DPP6: variants seen among roughly 807,000 people sequenced by gnomAD.
The protein encoded by DPP6 is dipeptidyl peptidase like 6, also known as A-type potassium channel modulatory protein DPP6.
Under a neutral mutation model 122.6 loss-of-function variants are expected in DPP6, and 69 were observed. The ratio of observed to expected loss-of-function variants is 0.56; its 90% confidence interval spans 0.46 to 0.69. The LOEUF (loss-of-function observed/expected upper bound fraction) is 0.69. Ranked by LOEUF, DPP6 falls within the 30% of genes least tolerant of loss-of-function variation. The pLI, the probability that DPP6 is intolerant of heterozygous loss-of-function variation, is 0.00. For missense variants in DPP6, 928 were observed against 1,116.9 expected (o/e 0.83, Z 2.41); for synonymous variants, 418 against 433.1 (o/e 0.97, Z 0.43).
At chr7:154,107,550 G>A (rs79516213) in intron 1 of DPP6, among the ~76,000 whole-genome samples, 10,555 of 152,234 alleles carry the variant, frequency 0.069, 473 homozygotes, top group Middle Eastern at 0.16. Flanking sequence ...AGAAATTGCT[G>A]AGAGTAGATT....
chr7:154,442,587 G>A (rs1232271807), intron 1 of DPP6, among the ~76,000 whole-genome samples: 1 of 152,186 alleles, frequency 6.6e-6, no homozygotes, highest in Non-Finnish European at 1.5e-5. Flanking sequence ...AATAGGGTAT[G>A]AGCGGAGTAG....
chr7:154,257,678 C>T (rs942427238), intron 1 of DPP6, among the ~76,000 whole-genome samples: 1 of 152,012 alleles, frequency 6.6e-6, no homozygotes, highest in African/African-American at 2.4e-5. Context: ...GCCTGGGCAA[C>T]AAGAGTGAAA....
intron 1 of DPP6, among the ~76,000 whole-genome samples, chr7:154,021,445 T>G (rs1404157187): frequency 6.6e-6 from 1 of 152,172 alleles, no homozygotes; most frequent in Non-Finnish European, 1.5e-5. Context: ...GAGGCCTTTG[T>G]GCCATGCTTT....
At chr7:154,362,540 G>A (rs989793448) in intron 1 of DPP6, among the ~76,000 whole-genome samples, 2 of 151,616 alleles carry the variant, frequency 1.3e-5, no homozygotes, top group Admixed American at 6.6e-5. Context: ...TCAGCATCCT[G>A]AGTAGCTGGG....
intron 17 of DPP6, among the ~76,000 whole-genome samples, chr7:154,862,709 C>A (rs1287481091): frequency 1.3e-5 from 2 of 152,146 alleles, no homozygotes; most frequent in Non-Finnish European, 2.9e-5. Flanking sequence ...CACATGAGTC[C>A]CCTCAATGCA....
chr7:154,627,288 C>T (rs1194583385), intron 5 of DPP6, among the ~76,000 whole-genome samples: 14 of 150,398 alleles, frequency 9.3e-5, no homozygotes, highest in African/African-American at 2.9e-4. Flanking sequence ...CTCTGCCTCC[C>T]GGGTTTTCGC....
At chr7:154,592,903 G>GT (rs781020727) in intron 5 of DPP6, among the ~76,000 whole-genome samples, 27 of 152,326 alleles carry the variant, frequency 1.8e-4, no homozygotes, top group Admixed American at 3.3e-4. Flanking sequence ...AACAGAGGAG[G>GT]GGGAACACAA....
intron 2 of DPP6, 85 bp from the exon 3 acceptor site, chr7:154,474,854 A>G (rs1013532069): frequency 9.5e-7 from 1 of 1,050,278 alleles, no homozygotes; most frequent in African/African-American, 1.6e-5. Context: ...CATACTATTT[A>G]TAAATGACAA....
intron 1 of DPP6, among the ~76,000 whole-genome samples, chr7:154,103,624 C>T (rs143895170): frequency 1.3e-5 from 2 of 152,234 alleles, no homozygotes; most frequent in African/African-American, 2.4e-5. Context: ...AGGAGACTGA[C>T]GTTTGAGTCA....
At chr7:154,159,249 C>T (rs1796852530) in intron 1 of DPP6, among the ~76,000 whole-genome samples, 4 of 152,334 alleles carry the variant, frequency 2.6e-5, no homozygotes, top group Middle Eastern at 3.4e-3. Context: ...CGTTCATCCT[C>T]GCCAGGTACT....
intron 1 of DPP6, among the ~76,000 whole-genome samples, chr7:154,352,785 A>G (rs1490013036): frequency 1.3e-5 from 2 of 152,234 alleles, no homozygotes; most frequent in Non-Finnish European, 2.9e-5. Context: ...TGGCATGTGT[A>G]TACCTATGTA....
chr7:154,341,375 A>G (rs1242908108), intron 1 of DPP6, among the ~76,000 whole-genome samples: 3 of 152,088 alleles, frequency 2.0e-5, no homozygotes, highest in African/African-American at 7.2e-5. Context: ...AGGGAAATAC[A>G]TAATTGTGAG....
chr7:154,760,319 A>G lies in DPP6; in HGVS notation c.884-9098A>G, dbSNP rs1795453912. Among the ~76,000 whole-genome samples, 1 of 151,872 alleles carries G rather than the reference A, an allele frequency of 6.6e-6. No individual in the cohort carries two copies. Among genetic ancestry groups the G allele is most frequent in the Non-Finnish European group, 1.5e-5 (1 of 68,004 alleles). ...CACACACAATTATTTCTTCACGATTACTCATGGGCTGTGTGTGCAAATTCA... is the reference window on the plus strand; with the variant it reads ...CACACACAATTATTTCTTCACGATTGCTCATGGGCTGTGTGTGCAAATTCA... On this transcript the variant is annotated intron_variant, in intron 8 of 25. Coordinates refer to ENST00000377770, the MANE Select transcript of DPP6 (RefSeq NM_130797.4). The surrounding 1 kb of genome is among the most constrained non-coding windows in gnomAD (Gnocchi z 4.5).
intron 10 of DPP6, among the ~76,000 whole-genome samples, chr7:154,780,600 A>G (rs556527044): frequency 6.6e-6 from 1 of 152,268 alleles, no homozygotes; most frequent in Non-Finnish European, 1.5e-5. Context: ...AAGGTTTGCC[A>G]AGGCAGAGTC....
intron 4 of DPP6, among the ~76,000 whole-genome samples, chr7:154,545,774 G>T (rs1313071414): frequency 6.6e-6 from 1 of 152,150 alleles, no homozygotes; most frequent in African/African-American, 2.4e-5. Context: ...GAATTTCTAA[G>T]AACAGTTCTC....
chr7:154,120,616 G>A (rs903814787), intron 1 of DPP6, among the ~76,000 whole-genome samples: 1 of 152,120 alleles, frequency 6.6e-6, no homozygotes, highest in African/African-American at 2.4e-5. Context: ...GTTGATTAAA[G>A]TAGTAGAAAA....
chr7:154,200,209 T>C (rs2150783667), intron 1 of DPP6, among the ~76,000 whole-genome samples: 1 of 152,294 alleles, frequency 6.6e-6, no homozygotes. Context: ...TTAAACAATT[T>C]TTTATTGATG....
chr7:154,690,510 G>A (rs771187794), intron 7 of DPP6, among the ~76,000 whole-genome samples: 15 of 152,158 alleles, frequency 9.9e-5, no homozygotes, highest in Non-Finnish European at 1.9e-4. Context: ...GTGCCCATGA[G>A]ACTGTAGGAC....
chr7:154,060,551 A>G (rs1387936219), intron 1 of DPP6, among the ~76,000 whole-genome samples: 2 of 128,660 alleles, frequency 1.6e-5, no homozygotes, highest in Non-Finnish European at 3.2e-5. Flanking sequence ...AGAAAGTTCA[A>G]ATCTTCCGAC....
Sources: gnomAD v4.1 joint callset for allele counts (sites outside exome capture counted in the v4.1 genomes callset) on GRCh38, gnomAD v4.1.1 for gene constraint, Gnocchi (gnomAD v3.1) non-coding constraint, MANE v1.5 for transcripts, NCBI Gene and HGNC (gene_info 2026-07-23, HGNC 2026-07-21) for gene names.